The following CUX1 variants were observed in gnomAD, a reference collection of about 807,000 sequenced individuals.
CUX1 encodes the protein cut like homeobox 1.
Under a neutral mutation model 158.8 loss-of-function variants are expected in CUX1, and 31 were observed. The observed-to-expected ratio is 0.20, with a 90% confidence interval of 0.15 to 0.26. The LOEUF (loss-of-function observed/expected upper bound fraction) is 0.26. Ranked by LOEUF, CUX1 falls within the 10% of genes least tolerant of loss-of-function variation. The probability of loss-of-function intolerance (pLI) is 1.00; values close to 1 mark genes in which losing one functional copy is unlikely to be tolerated. For missense variants in CUX1, 1,589 were observed against 2,014.6 expected (o/e 0.79, Z 4.04); for synonymous variants, 879 against 862.1 (o/e 1.02, Z -0.34).
At chr7:102,118,171 C>T (rs1484230605) in intron 8 of CUX1, among the ~76,000 whole-genome samples, 1 of 152,222 alleles carries the variant, frequency 6.6e-6, no homozygotes, top group African/African-American at 2.4e-5. Flanking sequence ...TGAATATAAG[C>T]CCCTTGGGGC....
intron 7 of CUX1, 75 bp downstream of exon 7, chr7:102,111,849 CCCGGTCCCCG>C: frequency 7.5e-7 from 1 of 1,339,668 alleles, no homozygotes; most frequent in Non-Finnish European, 1.1e-6. Flanking sequence ...CCCTGACCGC[CCCGGTCCCCG>C]CGGATACCTG....
intron 1 of CUX1, among the ~76,000 whole-genome samples, chr7:101,881,929 G>A (rs1247622454): frequency 2.6e-5 from 4 of 151,966 alleles, no homozygotes; most frequent in African/African-American, 7.2e-5. Flanking sequence ...TGTCATCCCA[G>A]TATTTTGGGA....
At chr7:102,006,407 C>T (rs1817384071) in intron 2 of CUX1, among the ~76,000 whole-genome samples, 1 of 151,776 alleles carries the variant, frequency 6.6e-6, no homozygotes, top group Admixed American at 6.6e-5. Flanking sequence ...CTTTTCTTTT[C>T]TTTCTTTGAG....
chr7:102,254,124 C>G lies in CUX1; in HGVS notation c.*5082C>G, dbSNP rs1801820744. 3 of 985,326 alleles carry G rather than the reference C, an allele frequency of 3.0e-6. No individual in the cohort carries two copies. Among genetic ancestry groups the G allele is most frequent in the African/African-American group, 1.7e-5 (1 of 57,230 alleles). The allele number at this position is 985,326 out of a possible 1,614,324, so 61.0% of individuals were successfully genotyped here. ...GGACAAACAGCTGTGCTCTGCAAGG[C>G]ACACGGATGTTTCCCTTCCACCTGT... On this transcript the variant is annotated 3_prime_UTR_variant, in exon 24 of 24. Transcript: ENST00000292535.
At chr7:102,037,776 C>T (rs1821611107) in intron 3 of CUX1, among the ~76,000 whole-genome samples, 2 of 151,404 alleles carry the variant, frequency 1.3e-5, no homozygotes, top group African/African-American at 2.4e-5. Flanking sequence ...GAAACATGGC[C>T]GGGTGTGGTG....
intron 1 of CUX1, among the ~76,000 whole-genome samples, chr7:101,830,538 G>A (rs1239333624): frequency 1.3e-5 from 2 of 152,104 alleles, no homozygotes; most frequent in East Asian, 3.9e-4. Context: ...CTGCAACCGC[G>A]AACTCCCAGG....
rs373529114 is a variant in CUX1 at position 101,874,332 on chromosome 7, G to A, written c.31-41783G>A. On this transcript the variant is annotated intron_variant, in intron 1 of 23. Coordinates refer to ENST00000292535, the MANE Select transcript of CUX1 (RefSeq NM_181552.4). The stretch of plus-strand genomic sequence containing the variant: ...ATGTCCTATTCAATTAATCCTCACC[G>A]CATCCTTAAAGGTGACTGGAAGGCA... 7.9e-5 allele frequency among the ~76,000 whole-genome samples: 12 copies of A among 152,232 alleles called. No individual in the cohort carries two copies. The South Asian group carries it at 2.3e-3, about 29-fold the overall frequency.
chr7:102,111,616 A>C, intron 6 of CUX1, 82 bp from the exon 7 acceptor site: 1 of 1,261,566 alleles, frequency 7.9e-7, no homozygotes, highest in Non-Finnish European at 1.2e-6. Context: ...GCAGGGAGGG[A>C]GCTGAGCTCA....
intron 2 of CUX1, among the ~76,000 whole-genome samples, chr7:101,958,275 T>C (rs1402058286): frequency 6.6e-6 from 1 of 152,034 alleles, no homozygotes; most frequent in Non-Finnish European, 1.5e-5. Context: ...AGTCATGTCA[T>C]CTGTGCTGAA....
rs1789827414 is a variant in CUX1, at chr7:102,255,770, G to A, written c.*6728G>A. 1.0e-6 allele frequency: 1 copy of A among 985,212 alleles called. No individual in the cohort carries two copies. The highest frequency in any genetic ancestry group is 1.2e-6 in the Non-Finnish European group (1 of 829,942). 61.0% of individuals were successfully genotyped at this position (985,212 alleles called of 1,614,324 possible). ...ACCATTCAGCAAGACACATTGAAGTGGCACGGAGCTGCTTTTGTTTTATAA... is the reference window on the plus strand; with the variant it reads ...ACCATTCAGCAAGACACATTGAAGTAGCACGGAGCTGCTTTTGTTTTATAA... On this transcript the variant is annotated 3_prime_UTR_variant, in exon 24 of 24. Coordinates refer to ENST00000292535, the MANE Select transcript of CUX1 (RefSeq NM_181552.4).
chr7:101,930,183 C>T (rs139838502), intron 2 of CUX1, among the ~76,000 whole-genome samples: 2 of 152,296 alleles, frequency 1.3e-5, no homozygotes, highest in Non-Finnish European at 2.9e-5. Flanking sequence ...AGCAATTCCT[C>T]TTCTATTAGA....
intron 1 of CUX1, among the ~76,000 whole-genome samples, chr7:101,822,020 A>T (rs1038889583): frequency 6.6e-6 from 1 of 151,504 alleles, no homozygotes; most frequent in African/African-American, 2.4e-5. Flanking sequence ...ACGCCCGGCT[A>T]ATTTTTTCTA....
At chr7:101,953,005 G>A (rs1809283360) in intron 2 of CUX1, among the ~76,000 whole-genome samples, 1 of 152,202 alleles carries the variant, frequency 6.6e-6, no homozygotes, top group Non-Finnish European at 1.5e-5. Context: ...AGGAGCAGAG[G>A]GACCCCTTCG....
At position 101,916,272 on chromosome 7, in the gene CUX1, C is replaced by A; in HGVS notation, c.141+47C>A. On this transcript the variant is annotated intron_variant, in intron 2 of 23. Transcript: ENST00000292535. This position sits in a 1 kb window ranked among gnomAD's most constrained non-coding sequence, Gnocchi z 4.4. ...TTCGCTTTGAAGGGATCTTAGAATG[C>A]TGGTGCATGTTCAGGCGACGCTCCG... The A allele has an allele frequency of 8.2e-7, 1 of 1,221,304 alleles. No individual in the cohort carries two copies. The highest frequency in any genetic ancestry group is 1.2e-6 in the Non-Finnish European group (1 of 823,024). The allele number at this position is 1,221,304 out of a possible 1,614,324, so 75.7% of individuals were successfully genotyped here. A position where few individuals can be genotyped will look rare whatever the true frequency, so the allele number is the denominator to read the frequency against.
intron 2 of CUX1, among the ~76,000 whole-genome samples, chr7:102,006,810 A>G (rs1319068959): frequency 6.6e-6 from 1 of 152,266 alleles, no homozygotes; most frequent in Non-Finnish European, 1.5e-5. Flanking sequence ...CACTGGATGC[A>G]TCAGGCGTCA....
intron 8 of CUX1, among the ~76,000 whole-genome samples, chr7:102,134,990 G>A (rs1289023427): frequency 6.6e-6 from 1 of 152,096 alleles, no homozygotes; most frequent in Non-Finnish European, 1.5e-5. Flanking sequence ...CTGGATTTTA[G>A]CTACTCACAT....
chr7:102,099,008 G>C (rs1432824211), intron 5 of CUX1, among the ~76,000 whole-genome samples: 2 of 151,970 alleles, frequency 1.3e-5, no homozygotes, highest in Non-Finnish European at 1.5e-5. Flanking sequence ...AAACACTGCA[G>C]ATAGACCAGG....
chr7:102,207,036 C>T (rs1364867390), intron 20 of CUX1, among the ~76,000 whole-genome samples: 3 of 152,264 alleles, frequency 2.0e-5, no homozygotes, highest in African/African-American at 7.2e-5. Context: ...TGTATTGTAA[C>T]GGATCATCGC....
intron 1 of CUX1, chr7:101,913,175 C>T (rs1803694355): frequency 4.0e-6 from 1 of 247,208 alleles, no homozygotes; most frequent in East Asian, 1.4e-4. Context: ...CTCCAAGGGA[C>T]CTGGTCAAAG....
Sources: allele counts gnomAD v4.1 joint callset (sites outside exome capture counted in the v4.1 genomes callset), GRCh38; gene constraint gnomAD v4.1.1; non-coding constraint Gnocchi (gnomAD v3.1); transcripts MANE v1.5; gene names NCBI Gene and HGNC (gene_info 2026-07-23, HGNC 2026-07-21).